HID1: variants seen among roughly 807,000 people sequenced by gnomAD.
HID1 encodes HID1 domain containing, also known as protein HID1.
Under a neutral mutation model 89.7 loss-of-function variants are expected in HID1, and 42 were observed. The ratio of observed to expected loss-of-function variants is 0.47; its 90% CI spans 0.37 to 0.61. The LOEUF is 0.61. Ranked by LOEUF, HID1 falls within the 20% of genes least tolerant of loss-of-function variation. HID1 has a pLI of 0.00. For missense variants in HID1, 854 were observed against 1,039.3 expected, an observed-to-expected ratio of 0.82 and a Z score of 2.45; for synonymous variants, 442 against 433.8, an observed-to-expected ratio of 1.02 and a Z score of -0.24.
At chr17:74,964,214 C>T (rs939143365) in intron 2 of HID1, 10 of 591,164 alleles carry the variant, frequency 1.7e-5, no homozygotes, top group South Asian at 8.3e-5. Context: ...TGTAAACTGG[C>T]GACCCTGGCA....
Position 74,952,261 on chromosome 17 carries a change from C to G in HID1, c.2144+8G>C. The G allele has an allele frequency of 1.9e-6, 3 of 1,612,060 alleles. No individual in the cohort carries two copies. Among genetic ancestry groups the G allele is most frequent in the Non-Finnish European group, 2.5e-6 (3 of 1,178,868 alleles). On this transcript the variant is annotated splice_region_variant and intron_variant, in intron 17 of 18. Transcript: ENST00000425042. ...CACAACCCCCGGCCCTGCCGGCGCC[C>G]GACTCACTTGTCAATGCAGATCTTC...
intron 17 of HID1, 22 bp downstream of exon 17, chr17:74,952,247 G>C: frequency 6.2e-7 from 1 of 1,603,558 alleles, no homozygotes; most frequent in Non-Finnish European, 8.5e-7. Flanking sequence ...ACAACCCCCG[G>C]CCCTGCCGGC....
At chr17:74,964,772 G>T (rs1266068513) in intron 1 of HID1, 140 bp from the exon 2 acceptor site, 7 of 818,298 alleles carry the variant, frequency 8.6e-6, no homozygotes, top group Non-Finnish European at 1.3e-5. Context: ...ATCCCACATG[G>T]GTGGGGGACA....
rs1356113424 is a variant in HID1 at position 74,962,372 on chromosome 17, G to A, written c.505-32C>T. The A allele has an allele frequency of 1.3e-6, 2 of 1,495,820 alleles. No individual in the cohort carries two copies. The highest frequency in any genetic ancestry group is 1.9e-6 in the Non-Finnish European group (2 of 1,080,956). 92.7% of individuals were successfully genotyped at this position (1,495,820 alleles called of 1,614,324 possible). A position where few individuals can be genotyped will look rare whatever the true frequency, so the allele number is the denominator to read the frequency against. On this transcript the variant is annotated intron_variant, in intron 4 of 18. Coordinates refer to ENST00000425042, the MANE Select transcript of HID1 (RefSeq NM_030630.3). The surrounding 1 kb of genome is among the most constrained non-coding windows in gnomAD (Gnocchi z 4.3). Reference sequence around the variant, plus strand: ...ACAGGCCAGGAAGAAGCCGGGTTAGGGGGTCGAGAGGTGAACAGCAGCCTG... The same window carrying A: ...ACAGGCCAGGAAGAAGCCGGGTTAGAGGGTCGAGAGGTGAACAGCAGCCTG...
At chr17:74,953,427 G>A (rs1313646554) in intron 15 of HID1, 118 bp downstream of exon 15, 7 of 766,404 alleles carry the variant, frequency 9.1e-6, no homozygotes, top group Non-Finnish European at 1.3e-5. Context: ...CTGGGCACTG[G>A]GTAACTGCCC....
Position 74,962,820 on chromosome 17 carries a change from C to G in HID1, c.504+145G>C. 1.6e-6 allele frequency: 1 copy of G among 639,064 alleles called. No homozygotes were observed. The highest frequency in any genetic ancestry group is 2.7e-5 in the East Asian group (1 of 36,408). The allele number at this position is 639,064 out of a possible 1,614,324, so 39.6% of individuals were successfully genotyped here. On this transcript the variant is annotated intron_variant, in intron 4 of 18. Transcript: ENST00000425042. The surrounding 1 kb of genome is among the most constrained non-coding windows in gnomAD (Gnocchi z 4.3). ...TCCCTCAGCTGTACCAGCTGCCACC[C>G]AGGCCTACATGTGCCAGGCAGCTCA... is the stretch of plus-strand genomic sequence containing the variant.
chr17:74,953,140 G>A (rs1019364583), intron 15 of HID1, 54 bp from the exon 16 acceptor site: 2 of 1,374,996 alleles, frequency 1.5e-6, no homozygotes, highest in Non-Finnish European at 2.0e-6. Context: ...GTGAGGGGTG[G>A]AGTGGGGGGC....
chr17:74,958,937 A>T lies in HID1; in HGVS notation c.1123T>A (p.Phe375Ile). 1 of 1,601,326 alleles carries T rather than the reference A, an allele frequency of 6.2e-7. No homozygotes were observed. The highest frequency in any genetic ancestry group is 8.5e-7 in the Non-Finnish European group (1 of 1,175,332). The change falls in exon 9 of 19, where the codon TTC becomes ATC. Residue 375 changes from phenylalanine to isoleucine, a missense_variant. Transcript: ENST00000425042. This position sits in a 1 kb window ranked among gnomAD's most constrained non-coding sequence, Gnocchi z 5.2. ...TTGTTGAAGTCGCAGAGCTTCCAGA[A>T]GAGAACTAGCAGCTCCTGGTGGAAC... ...IQFHQELLVL[F>I]WKLCDFNKKF... is the part of the protein sequence containing the mutation.
At chr17:74,965,429 C>A (rs1361161523) in intron 1 of HID1, among the ~76,000 whole-genome samples, 4 of 152,248 alleles carry the variant, frequency 2.6e-5, no homozygotes, top group African/African-American at 7.2e-5. Flanking sequence ...CAGAAACATG[C>A]CTTACACACG....
At chr17:74,956,024 G>A (rs2039385723) in intron 12 of HID1, 68 bp from the exon 13 acceptor site, 2 of 1,518,788 alleles carry the variant, frequency 1.3e-6, no homozygotes, top group African/African-American at 1.4e-5. Context: ...CCTGGGCCGG[G>A]GTGGAACAAC....
At chr17:74,963,660 G>A in intron 3 of HID1, 80 bp downstream of exon 3, 1 of 1,368,654 alleles carries the variant, frequency 7.3e-7, no homozygotes, top group East Asian at 2.5e-5. Context: ...GAGGCTTGGA[G>A]GAGCATGGCC....
rs1163534991 is a variant in HID1, at chr17:74,958,783, C to A, written c.1150-20G>T. 3.7e-6 allele frequency: 6 copies of A among 1,610,896 alleles called. No individual in the cohort carries two copies. In the South Asian group the frequency reaches 6.6e-5, roughly 18 times the overall value. On this transcript the variant is annotated intron_variant, in intron 9 of 18. Coordinates refer to ENST00000425042, the MANE Select transcript of HID1 (RefSeq NM_030630.3). This position sits in a 1 kb window ranked among gnomAD's most constrained non-coding sequence, Gnocchi z 5.2. The stretch of plus-strand genomic sequence containing the variant: ...GAATTTCTAGGGGTGCGGGGAGGGG[C>A]CAAGTGGGCTGAGTTCAAGGGAGGG...
At chr17:74,969,671 A>G (rs1194236631) in intron 1 of HID1, among the ~76,000 whole-genome samples, 1 of 151,982 alleles carries the variant, frequency 6.6e-6, no homozygotes, top group East Asian at 1.9e-4. Flanking sequence ...GCACAATCAT[A>G]GCTCACCGTA....
intron 3 of HID1, 145 bp downstream of exon 3, chr17:74,963,595 A>G (rs1598629883): frequency 1.3e-6 from 1 of 760,424 alleles, no homozygotes; most frequent in Non-Finnish European, 2.1e-6. Flanking sequence ...GGCATTGAAC[A>G]CCATCCCTCA....
intron 16 of HID1, 113 bp downstream of exon 16, chr17:74,952,893 C>T: frequency 2.6e-6 from 2 of 775,170 alleles, no homozygotes; most frequent in Non-Finnish European, 4.1e-6. Flanking sequence ...ATTCGGACAT[C>T]TTGCCATCTT....
chr17:74,962,931 T>A lies in HID1; in HGVS notation c.504+34A>T. Reference sequence around the variant, plus strand: ...GCCCCAACCCAGGACCAGAGCCTACTCCGCCTGGGGGTGGGGGGCTGGGGG... The same window carrying A: ...GCCCCAACCCAGGACCAGAGCCTACACCGCCTGGGGGTGGGGGGCTGGGGG... On this transcript the variant is annotated intron_variant, in intron 4 of 18. Transcript: ENST00000425042. This position sits in a 1 kb window ranked among gnomAD's most constrained non-coding sequence, Gnocchi z 4.3. The A allele has an allele frequency of 6.6e-7, 1 of 1,510,748 alleles. No individual in the cohort carries two copies. 93.6% of individuals were successfully genotyped at this position (1,510,748 alleles called of 1,614,324 possible). A position where few individuals can be genotyped will look rare whatever the true frequency, so the allele number is the denominator to read the frequency against.
intron 6 of HID1, chr17:74,961,653 G>A: frequency 3.0e-6 from 1 of 336,338 alleles, no homozygotes; most frequent in Non-Finnish European, 5.4e-6. Context: ...TCTTGATGGA[G>A]GACCCAGGGA....
At position 74,967,553 on chromosome 17, in the gene HID1, TATA is replaced by T. The variant is rs374522350; in HGVS notation, c.67-2924_67-2922del. Reference sequence around the variant, plus strand: ...GACTCCGTCTCAAAAAAATAAAAAATATAATAATAATAATGGCTGGGCACAGTG... The same window carrying T: ...GACTCCGTCTCAAAAAAATAAAAAATATAATAATAATGGCTGGGCACAGTG... On this transcript the variant is annotated intron_variant, in intron 1 of 18. Transcript: ENST00000425042. Among the ~76,000 whole-genome samples, 87 of 150,524 alleles carry T rather than the reference TATA, an allele frequency of 5.8e-4. 2 individuals carry two copies. The East Asian group carries it at 0.012, about 22-fold the overall frequency.
Position 74,958,860 on chromosome 17 carries a change from T to C in HID1, c.1149+51A>G, listed in dbSNP as rs1220459801. On this transcript the variant is annotated intron_variant, in intron 9 of 18. Transcript: ENST00000425042. This position sits in a 1 kb window ranked among gnomAD's most constrained non-coding sequence, Gnocchi z 5.2. Reference sequence around the variant, plus strand: ...TGACACTGTCCCTGCCCCCGGGTTATTGGGGCAGCTGCTCTCCATCTCCCT... The same window carrying C: ...TGACACTGTCCCTGCCCCCGGGTTACTGGGGCAGCTGCTCTCCATCTCCCT... The C allele has an allele frequency of 2.5e-6, 4 of 1,580,016 alleles. No individual in the cohort carries two copies. The highest frequency in any genetic ancestry group is 1.7e-4 in the Middle Eastern group (1 of 5,886).
Sources: gnomAD v4.1 joint callset for allele counts (sites outside exome capture counted in the v4.1 genomes callset) on GRCh38, gnomAD v4.1.1 for gene constraint, Gnocchi (gnomAD v3.1) non-coding constraint, MANE v1.5 for transcripts, NCBI Gene and HGNC (gene_info 2026-07-23, HGNC 2026-07-21) for gene names.